The following SEC14L1 variants were observed in gnomAD, a reference collection of about 807,000 sequenced individuals.
SEC14L1 encodes the protein SEC14-like protein 1.
SEC14L1 carries 48 observed loss-of-function variants against 85.3 expected under a neutral mutation model. The observed-to-expected ratio is 0.56, with a 90% CI of 0.45 to 0.72. SEC14L1 has a LOEUF of 0.72. Among genes scored for constraint, SEC14L1 ranks in the 30% least tolerant of loss-of-function variants. SEC14L1 has a pLI of 0.00. For synonymous variants in SEC14L1, 391 were observed against 355.5 expected, an observed-to-expected ratio of 1.10 and a Z score of -1.12; for missense variants, 682 against 921.4, an observed-to-expected ratio of 0.74 and a Z score of 3.36.
chr17:77,208,272 A>G (rs1259344126), intron 13 of SEC14L1, among the ~76,000 whole-genome samples: 4 of 152,234 alleles, frequency 2.6e-5, no homozygotes, highest in Non-Finnish European at 5.9e-5. Context: ...AGTAAAGGTT[A>G]TAGGACCAGA....
At chr17:77,188,615 G>A (rs1434005270) in intron 3 of SEC14L1, among the ~76,000 whole-genome samples, 3 of 152,102 alleles carry the variant, frequency 2.0e-5, no homozygotes, top group Non-Finnish European at 2.9e-5. Flanking sequence ...TTTGTATATG[G>A]GGTTTTGTGC....
At chr17:77,127,427 G>A (rs1377437432) in intron 3 of SEC14L1, among the ~76,000 whole-genome samples, 1 of 152,132 alleles carries the variant, frequency 6.6e-6, no homozygotes, top group African/African-American at 2.4e-5. Flanking sequence ...TCAGCTCACT[G>A]CAACCTCGGC....
At chr17:77,100,726 C>A (rs569446164) in intron 3 of SEC14L1, among the ~76,000 whole-genome samples, 1 of 151,912 alleles carries the variant, frequency 6.6e-6, no homozygotes, top group African/African-American at 2.4e-5. Context: ...AGTGAGCCAC[C>A]GCGCCCAGCC....
upstream of SEC14L1, among the ~76,000 whole-genome samples, chr17:77,136,345 CTT>C (rs1972799654): frequency 1.6e-5 from 2 of 126,190 alleles, no homozygotes; most frequent in South Asian, 2.8e-4. Context: ...CCCTTCCTTC[CTT>C]TCTCTTTCTT....
intron 3 of SEC14L1, among the ~76,000 whole-genome samples, chr17:77,114,111 C>G (rs1230458338): frequency 1.3e-5 from 2 of 152,144 alleles, no homozygotes; most frequent in African/African-American, 4.8e-5. Context: ...TGGGTGTCAG[C>G]CTGCAATCCC....
In SEC14L1 at chr17:77,194,850, G is replaced by T; in HGVS notation, c.648G>T (p.Gly216=). 3.1e-6 allele frequency: 5 copies of T among 1,614,216 alleles called. No homozygotes were observed. The highest frequency in any genetic ancestry group is 4.5e-5 in the East Asian group (2 of 44,878). ...TCCCAGAAGCTGCCCTCAAGGAGGG[G>T]CTGAGTGGTGATGCCCTCAGCAGCC... ...VVIPEAALKE[G]LSGDALSSPS... Residue 216 remains glycine, a synonymous_variant, in exon 7 of 17, where the codon GGG becomes GGT. Coordinates refer to ENST00000436233, the MANE Select transcript of SEC14L1 (RefSeq NM_001143998.2).
rs1052506854 is a variant in SEC14L1 at position 77,191,075 on chromosome 17, G to A, written c.214-106G>A. 2.2e-5 allele frequency: 33 copies of A among 1,518,224 alleles called. No individual in the cohort carries two copies. In the African/African-American group the frequency reaches 4.4e-4, roughly 20 times the overall value. The allele number at this position is 1,518,224 out of a possible 1,614,324, so 94.0% of individuals were successfully genotyped here. ...AGGGAGAGGGCGTCCTGGAGGGAGA[G>A]GGCGTCCTGGAGGGCAGCCCCCAGA... is the stretch of plus-strand genomic sequence containing the variant. On this transcript the variant is annotated intron_variant, in intron 4 of 16. Coordinates refer to ENST00000436233, the MANE Select transcript of SEC14L1 (RefSeq NM_001143998.2).
intron 3 of SEC14L1, among the ~76,000 whole-genome samples, chr17:77,165,682 T>G (rs1434575125): frequency 1.3e-5 from 2 of 152,090 alleles, no homozygotes; most frequent in Non-Finnish European, 2.9e-5. Flanking sequence ...TTTTTGCCAT[T>G]ATCTTCCTTT....
Position 77,211,994 on chromosome 17 carries a change from T to A in SEC14L1, c.1656T>A (p.Asp552Glu). Reference sequence around the variant, plus strand: ...ATGCCTCGTCAGTCATCACTTGGGATTTCGACGTGTGCAAAGGGGACATTG... The same window carrying A: ...ATGCCTCGTCAGTCATCACTTGGGAATTCGACGTGTGCAAAGGGGACATTG... ...IVDASSVITW[D>E]FDVCKGDIVF... The change falls in exon 15 of 17, where the codon GAT (aspartate) becomes GAA (glutamate). Residue 552 changes from aspartate (D) to glutamate (E), a missense_variant. By Grantham distance (45) the Asp-to-Glu change is conservative (BLOSUM62 2). Coordinates refer to ENST00000436233, the MANE Select transcript of SEC14L1 (RefSeq NM_001143998.2). 6.2e-7 allele frequency: 1 copy of A among 1,614,106 alleles called. No homozygotes were observed. Among genetic ancestry groups the A allele is most frequent in the Non-Finnish European group, 8.5e-7 (1 of 1,180,024 alleles).
intron 3 of SEC14L1, among the ~76,000 whole-genome samples, chr17:77,159,881 A>G (rs946551115): frequency 1.3e-5 from 2 of 152,236 alleles, no homozygotes; most frequent in Non-Finnish European, 2.9e-5. Flanking sequence ...CCACTTAAAT[A>G]AAAGGGTGAA....
chr17:77,182,976 C>T (rs1471021526), intron 3 of SEC14L1, among the ~76,000 whole-genome samples: 1 of 152,268 alleles, frequency 6.6e-6, no homozygotes, highest in African/African-American at 2.4e-5. Context: ...AAGGCCCCGT[C>T]CCGCTGTGCT....
At chr17:77,147,139 A>G (rs8064999) in intron 3 of SEC14L1, among the ~76,000 whole-genome samples, 4,208 of 152,294 alleles carry the variant, frequency 0.028, 202 homozygotes, top group African/African-American at 0.095. Context: ...AGGTGGGTCG[A>G]GTCCTGGTTT....
rs1976452350 is a variant in SEC14L1 at position 77,206,126 on chromosome 17, T to C, written c.1170-103T>C. 1 of 1,109,976 alleles carries C rather than the reference T, an allele frequency of 9.0e-7. No individual in the cohort carries two copies. Among genetic ancestry groups the C allele is most frequent in the African/African-American group, 1.6e-5 (1 of 63,614 alleles). The allele number at this position is 1,109,976 out of a possible 1,614,324, so 68.8% of individuals were successfully genotyped here. ...TATAATTTAAAAAAATTGATTATGA[T>C]GTATTTGGAAATAGCTATAAATGAC... On this transcript the variant is annotated intron_variant, in intron 11 of 16. Transcript: ENST00000436233. The surrounding 1 kb of genome is among the most constrained non-coding windows in gnomAD (Gnocchi z 4.3).
chr17:77,112,813 G>C (rs185757503), intron 3 of SEC14L1, among the ~76,000 whole-genome samples: 7 of 151,902 alleles, frequency 4.6e-5, no homozygotes, highest in Admixed American at 2.6e-4. Flanking sequence ...GGTGGAGCTT[G>C]CAGTGAGCCA....
chr17:77,147,768 C>T (rs913312290), intron 3 of SEC14L1, among the ~76,000 whole-genome samples: 3 of 152,206 alleles, frequency 2.0e-5, no homozygotes, highest in African/African-American at 7.2e-5. Flanking sequence ...AGGGAACCTT[C>T]TGGGGGGATG....
intron 3 of SEC14L1, among the ~76,000 whole-genome samples, chr17:77,146,442 T>C (rs1973311197): frequency 6.6e-6 from 1 of 152,340 alleles, no homozygotes; most frequent in South Asian, 2.1e-4. Context: ...TACTTCACTA[T>C]TTTCAAAATT....
chr17:77,138,876 G>GT (rs1475103008), upstream of SEC14L1, among the ~76,000 whole-genome samples: 5 of 152,216 alleles, frequency 3.3e-5, no homozygotes, highest in African/African-American at 4.8e-5. Flanking sequence ...TCTCAAGTCT[G>GT]TTTTTTCTTC....
intron 3 of SEC14L1, among the ~76,000 whole-genome samples, chr17:77,153,367 A>G (rs1973656495): frequency 6.6e-6 from 1 of 152,200 alleles, no homozygotes; most frequent in Middle Eastern, 3.2e-3. Context: ...GAGCCTGGCT[A>G]GCAGTTCTGT....
At chr17:77,103,729 T>C (rs1298203351) in intron 3 of SEC14L1, among the ~76,000 whole-genome samples, 1 of 10,650 alleles carries the variant, frequency 9.4e-5, no homozygotes, top group East Asian at 1.6e-3. Flanking sequence ...CAGTAGTTAC[T>C]GTCCCCAGCC....
Sources: allele counts gnomAD v4.1 joint callset (sites outside exome capture counted in the v4.1 genomes callset), GRCh38; gene constraint gnomAD v4.1.1; non-coding constraint Gnocchi (gnomAD v3.1); transcripts MANE v1.5; gene names NCBI Gene and HGNC (gene_info 2026-07-23, HGNC 2026-07-21).